CADPS: variants seen among roughly 807,000 people sequenced by gnomAD.
The protein encoded by CADPS is calcium dependent secretion activator.
Under a neutral mutation model 167.3 loss-of-function variants are expected in CADPS, and 57 were observed. The observed-to-expected ratio is 0.34, with a 90% CI of 0.28 to 0.42. The LOEUF is 0.42. CADPS is among the 20% of genes least tolerant of loss of function. CADPS has a pLI of 1.00. For missense variants in CADPS, 1,414 were observed against 1,738.1 expected (o/e 0.81, Z 3.32); for synonymous variants, 676 against 635.3 (o/e 1.06, Z -0.96).
chr3:62,626,963 G>A lies in CADPS; in HGVS notation c.1325+18759C>T, dbSNP rs557458572. Among the ~76,000 whole-genome samples the A allele has an allele frequency of 7.2e-5, 11 of 152,200 alleles. No homozygotes were observed. In the South Asian group the frequency reaches 1.5e-3, roughly 20 times the overall value. Reference sequence around the variant, plus strand: ...AAAGATATGTGTCAGATTTGAAAAAGGGAGGGTGTCTTACAAGTAGATATA... The same window carrying A: ...AAAGATATGTGTCAGATTTGAAAAAAGGAGGGTGTCTTACAAGTAGATATA... On this transcript the variant is annotated intron_variant, in intron 6 of 29. Coordinates refer to ENST00000383710, the MANE Select transcript of CADPS (RefSeq NM_003716.4).
chr3:62,524,664 T>C (rs994855105), intron 13 of CADPS, among the ~76,000 whole-genome samples: 2 of 152,128 alleles, frequency 1.3e-5, no homozygotes, highest in African/African-American at 4.8e-5. Context: ...ATTAACTCTA[T>C]TAAAGGATGA....
chr3:62,678,699 A>G (rs1327793383), intron 3 of CADPS, among the ~76,000 whole-genome samples: 1 of 152,160 alleles, frequency 6.6e-6, no homozygotes, highest in Admixed American at 6.6e-5. Flanking sequence ...CTATTATTAC[A>G]TACAAGTTTT....
At chr3:62,495,127 G>A (rs2064483851) in intron 18 of CADPS, among the ~76,000 whole-genome samples, 1 of 152,182 alleles carries the variant, frequency 6.6e-6, no homozygotes, top group South Asian at 2.1e-4. Context: ...GCCCTGCAAA[G>A]AACGATGACT....
intron 1 of CADPS, among the ~76,000 whole-genome samples, chr3:62,845,283 C>T (rs929045200): frequency 2.6e-5 from 4 of 152,214 alleles, no homozygotes; most frequent in African/African-American, 7.2e-5. Context: ...CCAAGGCTCA[C>T]ATCATCACGA....
intron 1 of CADPS, among the ~76,000 whole-genome samples, chr3:62,846,232 G>A (rs1370622650): frequency 1.3e-5 from 2 of 152,122 alleles, no homozygotes; most frequent in African/African-American, 4.8e-5. Context: ...CCCAGTCTCA[G>A]GTAGTTATTT....
At chr3:62,782,746 G>C (rs2091872339) in intron 1 of CADPS, among the ~76,000 whole-genome samples, 1 of 150,418 alleles carries the variant, frequency 6.6e-6, no homozygotes, top group Non-Finnish European at 1.5e-5. Context: ...TTTGCATATA[G>C]TGTAGCATTT....
intron 6 of CADPS, 76 bp from the exon 7 acceptor site, chr3:62,592,824 C>A (rs1212943493): frequency 1.1e-5 from 11 of 1,031,006 alleles, no homozygotes; most frequent in South Asian, 1.5e-5. Flanking sequence ...GTTCCCAGGT[C>A]AGGTGAATGC....
chr3:62,776,100 G>A (rs973233756), intron 1 of CADPS, among the ~76,000 whole-genome samples: 1 of 152,164 alleles, frequency 6.6e-6, no homozygotes, highest in Non-Finnish European at 1.5e-5. Flanking sequence ...CAGACTTCCA[G>A]GGTCATGTGG....
chr3:62,505,463 T>A (rs1389457225), intron 17 of CADPS, among the ~76,000 whole-genome samples: 1 of 152,190 alleles, frequency 6.6e-6, no homozygotes, highest in African/African-American at 2.4e-5. Flanking sequence ...CACGTGCTTA[T>A]CCACACTCTT....
intron 6 of CADPS, among the ~76,000 whole-genome samples, chr3:62,599,061 T>C (rs1019751434): frequency 2.0e-5 from 3 of 152,196 alleles, no homozygotes; most frequent in African/African-American, 7.2e-5. Flanking sequence ...TTGCCCTTGC[T>C]GTGCAACTGA....
chr3:62,438,364 G>A lies in CADPS; in HGVS notation c.3670-153C>T, dbSNP rs1403593296. 2 of 600,142 alleles carry A rather than the reference G, an allele frequency of 3.3e-6. No homozygotes were observed. Among genetic ancestry groups the A allele is most frequent in the Non-Finnish European group, 6.0e-6 (2 of 332,786 alleles). 37.2% of individuals were successfully genotyped at this position (600,142 alleles called of 1,614,324 possible). A position where few individuals can be genotyped will look rare whatever the true frequency, so the allele number is the denominator to read the frequency against. ...CATGGGATTGCTGTCCACAGCCTGG[G>A]CTGGTAGGAATTGATATTAGAACTG... On this transcript the variant is annotated intron_variant, in intron 27 of 29. Coordinates refer to ENST00000383710, the MANE Select transcript of CADPS (RefSeq NM_003716.4). The surrounding 1 kb of genome is among the most constrained non-coding windows in gnomAD (Gnocchi z 4.7).
chr3:62,472,875 G>C (rs1332180998), intron 24 of CADPS, among the ~76,000 whole-genome samples: 3 of 152,230 alleles, frequency 2.0e-5, no homozygotes, highest in Admixed American at 2.0e-4. Context: ...TTCCCCTGAA[G>C]TCAGGTTTAC....
chr3:62,569,588 T>C (rs1310190222), intron 9 of CADPS, among the ~76,000 whole-genome samples: 6 of 152,226 alleles, frequency 3.9e-5, no homozygotes. Flanking sequence ...GACAGTCTAG[T>C]CTTAGAAGTT....
intron 1 of CADPS, among the ~76,000 whole-genome samples, chr3:62,866,461 T>A (rs1018879954): frequency 2.0e-5 from 3 of 151,976 alleles, no homozygotes; most frequent in African/African-American, 7.2e-5. Flanking sequence ...TACAGTCTAG[T>A]GAGTGATAGG....
At chr3:62,517,158 T>C (rs1206332353) in intron 14 of CADPS, among the ~76,000 whole-genome samples, 3 of 152,138 alleles carry the variant, frequency 2.0e-5, no homozygotes, top group African/African-American at 7.2e-5. Context: ...GCATTTTACA[T>C]ATAGTGTGTA....
At chr3:62,653,511 GTTATAA>G (rs893884079) in intron 4 of CADPS, among the ~76,000 whole-genome samples, 29 of 152,244 alleles carry the variant, frequency 1.9e-4, no homozygotes, top group Middle Eastern at 3.4e-3. Flanking sequence ...TAAGACACTT[GTTATAA>G]TTATAATTAA....
intron 3 of CADPS, among the ~76,000 whole-genome samples, chr3:62,675,900 A>C (rs986222689): frequency 1.1e-4 from 16 of 152,102 alleles, no homozygotes; most frequent in African/African-American, 3.9e-4. Flanking sequence ...TCTTCAGAGA[A>C]AACATTCTGT....
intron 1 of CADPS, among the ~76,000 whole-genome samples, chr3:62,776,723 A>C (rs1321900445): frequency 6.6e-6 from 1 of 152,174 alleles, no homozygotes; most frequent in African/African-American, 2.4e-5. Flanking sequence ...GGGGGTTAGC[A>C]TAGAATCAGG....
intron 3 of CADPS, among the ~76,000 whole-genome samples, chr3:62,712,863 G>T (rs1482478774): frequency 6.6e-6 from 1 of 152,128 alleles, no homozygotes; most frequent in Non-Finnish European, 1.5e-5. Context: ...GACTTAGCTT[G>T]GTATTATTAC....
Sources: allele counts gnomAD v4.1 joint callset (sites outside exome capture counted in the v4.1 genomes callset), GRCh38; gene constraint gnomAD v4.1.1; non-coding constraint Gnocchi (gnomAD v3.1); transcripts MANE v1.5; gene names NCBI Gene and HGNC (gene_info 2026-07-23, HGNC 2026-07-21).